The following SIPA1L3 variants were observed in gnomAD, a reference collection of about 807,000 sequenced individuals.
SIPA1L3 encodes the protein signal induced proliferation associated 1 like 3.
Under a neutral mutation model 150.1 loss-of-function variants are expected in SIPA1L3, and 59 were observed. The observed-to-expected ratio is 0.39, with a 90% CI of 0.32 to 0.49. The LOEUF (loss-of-function observed/expected upper bound fraction) is 0.49. SIPA1L3 is among the 20% of genes least tolerant of loss of function. The pLI is 0.86. For synonymous variants in SIPA1L3, 1,070 were observed against 1,077.6 expected, an observed-to-expected ratio of 0.99 and a Z score of 0.14; for missense variants, 2,211 against 2,489.5, an observed-to-expected ratio of 0.89 and a Z score of 2.38.
chr19:38,202,211 G>T (rs1006993585), intron 20 of SIPA1L3, among the ~76,000 whole-genome samples: 5 of 152,196 alleles, frequency 3.3e-5, no homozygotes, highest in African/African-American at 4.8e-5. Flanking sequence ...GACAGACTCT[G>T]CCCAGTCCCA....
chr19:37,942,170 C>T (rs779601154), intron 1 of SIPA1L3, among the ~76,000 whole-genome samples: 2 of 152,018 alleles, frequency 1.3e-5, no homozygotes, highest in Non-Finnish European at 2.9e-5. Flanking sequence ...GGACGGAGCC[C>T]GATAAGGTCT....
chr19:37,980,616 G>A (rs774400483), intron 1 of SIPA1L3, among the ~76,000 whole-genome samples: 7 of 152,216 alleles, frequency 4.6e-5, no homozygotes, highest in Non-Finnish European at 1.0e-4. Context: ...CTGAGGCCAG[G>A]GAGGAGGGGG....
At chr19:38,017,518 TC>T (rs1968265870) in intron 1 of SIPA1L3, among the ~76,000 whole-genome samples, 2 of 143,944 alleles carry the variant, frequency 1.4e-5, no homozygotes, top group South Asian at 4.3e-4. Flanking sequence ...AACAGCTATC[TC>T]CTTTTTTTTT....
At chr19:38,118,905 A>G (rs1259031793) in intron 8 of SIPA1L3, among the ~76,000 whole-genome samples, 1 of 82,252 alleles carries the variant, frequency 1.2e-5, no homozygotes, top group Non-Finnish European at 2.2e-5. Context: ...ATTCTTCAGA[A>G]GGAAACTGGC....
rs1972943747 is a variant in SIPA1L3 at position 38,196,442 on chromosome 19, A to AGGAGGTCAAGGGCGGAGTGT, written c.4841-1933_4841-1914dup. 2.2e-5 allele frequency among the ~76,000 whole-genome samples: 3 copies of AGGAGGTCAAGGGCGGAGTGT among 133,486 alleles called. No individual in the cohort carries two copies. The East Asian group carries it at 7.1e-4, about 31-fold the overall frequency. 87.6% of individuals were successfully genotyped at this position (133,486 alleles called of 152,430 possible). A position where few individuals can be genotyped will look rare whatever the true frequency, so the allele number is the denominator to read the frequency against. ...GAGCATGGAGGTCAAGGGCAGAGCA[A>AGGAGGTCAAGGGCGGAGTGT]GGAGGTCAAGGGCGGAGTGTGGAGG... On this transcript the variant is annotated intron_variant, in intron 18 of 21. Coordinates refer to ENST00000222345, the MANE Select transcript of SIPA1L3 (RefSeq NM_015073.3).
At position 38,050,483 on chromosome 19, in the gene SIPA1L3, G is replaced by A. The variant is rs150832931; in HGVS notation, c.-311+21327G>A. 4.7e-4 allele frequency among the ~76,000 whole-genome samples: 71 copies of A among 152,164 alleles called. 1 individual carries two copies. Among genetic ancestry groups the A allele is most frequent in the African/African-American group, 1.7e-3 (69 of 41,530 alleles). ...ATAACAACAACAACAAAAAAACAGC[G>A]CCTAACACATATGTGATCTGAAAGC... is the stretch of plus-strand genomic sequence containing the variant. On this transcript the variant is annotated intron_variant, in intron 2 of 21. Coordinates refer to ENST00000222345, the MANE Select transcript of SIPA1L3 (RefSeq NM_015073.3).
At chr19:38,177,006 C>A (rs1972450271) in intron 15 of SIPA1L3, among the ~76,000 whole-genome samples, 1 of 151,782 alleles carries the variant, frequency 6.6e-6, no homozygotes. Flanking sequence ...AACAAACAAA[C>A]AAACAAAAAA....
At chr19:38,106,128 A>G (rs1399606661) in intron 6 of SIPA1L3, among the ~76,000 whole-genome samples, 1 of 146,126 alleles carries the variant, frequency 6.8e-6, no homozygotes, top group Admixed American at 6.9e-5. Context: ...TTTTTTTGAG[A>G]CAGAGTCTAA....
At chr19:38,141,507 T>C in intron 11 of SIPA1L3, 72 bp downstream of exon 11, 1 of 1,456,012 alleles carries the variant, frequency 6.9e-7, no homozygotes, top group Non-Finnish European at 9.3e-7. Flanking sequence ...CCCCTCCCTC[T>C]CCTCACTATT....
intron 2 of SIPA1L3, among the ~76,000 whole-genome samples, chr19:38,045,457 A>G (rs1306452218): frequency 2.6e-5 from 4 of 151,068 alleles, no homozygotes; most frequent in Non-Finnish European, 4.4e-5. Context: ...AAAGGTACAC[A>G]GCCACTCGAG....
rs923138202 is a variant in SIPA1L3, at chr19:38,127,178, G to A, written c.2869-3320G>A. ...TTGCACTCCAGCCTGGGCAACAAGAGCGAAACTCCGTCTCAAAAAAAAGAG... is the reference window on the plus strand; with the variant it reads ...TTGCACTCCAGCCTGGGCAACAAGAACGAAACTCCGTCTCAAAAAAAAGAG... On this transcript the variant is annotated intron_variant, in intron 9 of 21. Transcript: ENST00000222345. Among the ~76,000 whole-genome samples, 121 of 152,078 alleles carry A rather than the reference G, an allele frequency of 8.0e-4. 3 individuals are homozygous for A. The highest frequency in any genetic ancestry group is 2.4e-3 in the African/African-American group (100 of 41,518).
rs191130143 is a variant in SIPA1L3 at position 38,060,880 on chromosome 19, C to T, written c.-310-20376C>T. 1.8e-3 allele frequency among the ~76,000 whole-genome samples: 278 copies of T among 152,116 alleles called. 1 individual carries two copies. The highest frequency in any genetic ancestry group is 5.8e-3 in the African/African-American group (239 of 41,486). On this transcript the variant is annotated intron_variant, in intron 2 of 21. Transcript: ENST00000222345. ...CTAATTTTTGTATTTTTAGTAGAGA[C>T]GGGATTTCATCATGTTGGCCAGGCT...
rs373308261 is a variant in SIPA1L3, at chr19:37,998,847, A to G, written c.-378-30242A>G. Among the ~76,000 whole-genome samples, 20 of 152,154 alleles carry G rather than the reference A, an allele frequency of 1.3e-4. No individual in the cohort carries two copies. The East Asian group carries it at 1.7e-3, about 13-fold the overall frequency. On this transcript the variant is annotated intron_variant, in intron 1 of 21. Transcript: ENST00000222345. ...GGAAAAGGGGGGAAAAGGAAGAAAT[A>G]AAGAATAGATGAAGCTAATATGGCA...
intron 20 of SIPA1L3, 67 bp downstream of exon 20, chr19:38,202,064 C>G: frequency 6.7e-7 from 1 of 1,493,000 alleles, no homozygotes; most frequent in African/African-American, 1.4e-5. Context: ...AGAGGCTTAC[C>G]CAGAGAGAGG....
chr19:37,926,448 C>T (rs148486487), intron 1 of SIPA1L3, among the ~76,000 whole-genome samples: 52 of 152,324 alleles, frequency 3.4e-4, no homozygotes, highest in African/African-American at 9.9e-4. Flanking sequence ...GGGGCACCCG[C>T]GGACTCTTGC....
intron 1 of SIPA1L3, among the ~76,000 whole-genome samples, chr19:37,978,043 T>C (rs75486592): frequency 0.051 from 7,700 of 152,324 alleles, 227 homozygotes; most frequent in East Asian, 0.11. Flanking sequence ...GGGGTGTCCA[T>C]GCACACAGTA....
At chr19:37,959,390 AAC>A (rs2046837791) in intron 1 of SIPA1L3, among the ~76,000 whole-genome samples, 1 of 152,212 alleles carries the variant, frequency 6.6e-6, no homozygotes, top group African/African-American at 2.4e-5. Flanking sequence ...TGAACCCTGA[AAC>A]ACACATGAAT....
chr19:37,966,282 GC>G (rs2046903401), intron 1 of SIPA1L3, among the ~76,000 whole-genome samples: 1 of 152,198 alleles, frequency 6.6e-6, no homozygotes, highest in African/African-American at 2.4e-5. Context: ...TGCCACAGTG[GC>G]CTCGGGCACC....
chr19:38,021,826 G>C (rs1005777776), intron 1 of SIPA1L3, among the ~76,000 whole-genome samples: 1 of 152,202 alleles, frequency 6.6e-6, no homozygotes, highest in Non-Finnish European at 1.5e-5. Context: ...GATTACAGGC[G>C]TGAGCCACTG....
Sources: allele counts gnomAD v4.1 joint callset (sites outside exome capture counted in the v4.1 genomes callset), GRCh38; gene constraint gnomAD v4.1.1; transcripts MANE v1.5; gene names NCBI Gene and HGNC (gene_info 2026-07-23, HGNC 2026-07-21).